Variants in NELL2 observed in about 807,000 individuals in gnomAD.
The protein encoded by NELL2 is neural EGFL like 2.
NELL2 carries 41 observed loss-of-function variants against 109.6 expected under a neutral mutation model. That is an observed-to-expected ratio of 0.37 (90% CI 0.29 to 0.49). The LOEUF (loss-of-function observed/expected upper bound fraction) is 0.49. Ranked by LOEUF, NELL2 falls within the 20% of genes least tolerant of loss-of-function variation. The probability of loss-of-function intolerance (pLI) is 0.98; values close to 1 mark genes in which losing one functional copy is unlikely to be tolerated. For missense variants in NELL2, 900 were observed against 1,008.3 expected (o/e 0.89, Z 1.45); for synonymous variants, 355 against 344.7 (o/e 1.03, Z -0.33).
intron 13 of NELL2, among the ~76,000 whole-genome samples, chr12:44,618,215 C>G (rs1945910464): frequency 6.6e-6 from 1 of 152,096 alleles, no homozygotes; most frequent in East Asian, 1.9e-4. Flanking sequence ...ATTTTTAACA[C>G]CCAGGCATTT....
At chr12:44,602,725 A>T (rs1031829227) in intron 15 of NELL2, among the ~76,000 whole-genome samples, 63 of 152,152 alleles carry the variant, frequency 4.1e-4, no homozygotes, top group African/African-American at 1.3e-3. Flanking sequence ...TTGCTTCTGA[A>T]TTTTTTTAGA....
chr12:44,604,704 G>A (rs1945334503), intron 15 of NELL2, among the ~76,000 whole-genome samples: 1 of 152,102 alleles, frequency 6.6e-6, no homozygotes. Flanking sequence ...TAGATATGCA[G>A]GGCCAAATCC....
intron 3 of NELL2, among the ~76,000 whole-genome samples, chr12:44,788,327 C>T (rs149882586): frequency 2.0e-5 from 3 of 152,292 alleles, no homozygotes; most frequent in Non-Finnish European, 4.4e-5. Context: ...GGAGACACTC[C>T]AAACACTGAG....
At chr12:44,742,862 G>A (rs1940073571) in intron 9 of NELL2, among the ~76,000 whole-genome samples, 1 of 152,188 alleles carries the variant, frequency 6.6e-6, no homozygotes, top group Non-Finnish European at 1.5e-5. Context: ...ATGGAACCAA[G>A]TTGGAAAACA....
chr12:44,920,668 A>T (rs1364454297), intron 1 of NELL2, among the ~76,000 whole-genome samples: 1 of 152,218 alleles, frequency 6.6e-6, no homozygotes, highest in Non-Finnish European at 1.5e-5. Flanking sequence ...TTAAATTTAA[A>T]TTCTTAGTGG....
chr12:44,876,473 A>G, upstream of NELL2: 1 of 1,322,912 alleles, frequency 7.6e-7, no homozygotes, highest in Non-Finnish European at 9.7e-7. Context: ...AACCCGGTCT[A>G]GGGAGCCCAG....
At chr12:44,597,390 A>G (rs1354855336) in intron 15 of NELL2, among the ~76,000 whole-genome samples, 3 of 152,202 alleles carry the variant, frequency 2.0e-5, no homozygotes, top group African/African-American at 7.2e-5. Flanking sequence ...GCCTCTTAAA[A>G]CTATTGGCCC....
chr12:44,558,905 A>T (rs1943360619), intron 15 of NELL2, among the ~76,000 whole-genome samples: 1 of 152,194 alleles, frequency 6.6e-6, no homozygotes, highest in South Asian at 2.1e-4. Context: ...CATGGAGCCC[A>T]GCAAGCTAAG....
chr12:44,568,733 A>G (rs1019791352), intron 15 of NELL2, among the ~76,000 whole-genome samples: 1 of 152,028 alleles, frequency 6.6e-6, no homozygotes, highest in Admixed American at 6.6e-5. Context: ...ATGTGTACAT[A>G]CATATTTTAT....
intron 15 of NELL2, among the ~76,000 whole-genome samples, chr12:44,600,139 T>A (rs1354178996): frequency 1.4e-5 from 2 of 140,342 alleles, no homozygotes; most frequent in Admixed American, 7.1e-5. Flanking sequence ...TTTATTTATT[T>A]ATTTATTTAT....
At chr12:44,521,851 A>T in intron 18 of NELL2, 149 bp downstream of exon 18, 1 of 698,004 alleles carries the variant, frequency 1.4e-6, no homozygotes, top group South Asian at 1.9e-5. Context: ...TCGTGTAACT[A>T]TCACCTCATC....
intron 9 of NELL2, among the ~76,000 whole-genome samples, chr12:44,770,651 T>C (rs1404309946): frequency 6.6e-6 from 1 of 152,220 alleles, no homozygotes; most frequent in Non-Finnish European, 1.5e-5. Flanking sequence ...GATTTGTATT[T>C]ATTCATATAA....
intron 10 of NELL2, among the ~76,000 whole-genome samples, chr12:44,714,404 C>T (rs778635703): frequency 6.6e-6 from 1 of 151,922 alleles, no homozygotes; most frequent in East Asian, 1.9e-4. Flanking sequence ...GGAAAACATA[C>T]GACAACTTCA....
chr12:44,604,853 C>G (rs1436927073), intron 15 of NELL2, among the ~76,000 whole-genome samples: 2 of 152,080 alleles, frequency 1.3e-5, no homozygotes, highest in African/African-American at 2.4e-5. Flanking sequence ...TAGCCAGAGA[C>G]AAACCTGAAA....
intron 12 of NELL2, among the ~76,000 whole-genome samples, chr12:44,691,971 A>G (rs1257068779): frequency 6.6e-6 from 1 of 152,216 alleles, no homozygotes; most frequent in Non-Finnish European, 1.5e-5. Flanking sequence ...AAACTGCAGT[A>G]AGTTGTTCAG....
chr12:44,854,910 A>G (rs1278972268), intron 2 of NELL2, among the ~76,000 whole-genome samples: 1 of 152,180 alleles, frequency 6.6e-6, no homozygotes, highest in African/African-American at 2.4e-5. Flanking sequence ...AGTGTTGTCC[A>G]ATAGAAGTAT....
intron 15 of NELL2, among the ~76,000 whole-genome samples, chr12:44,567,949 G>T (rs893656680): frequency 2.0e-5 from 3 of 152,014 alleles, no homozygotes; most frequent in South Asian, 2.1e-4. Context: ...GTTGAAAGGG[G>T]TATACAGGTA....
chr12:44,718,337 G>C (rs1221586235), intron 9 of NELL2, among the ~76,000 whole-genome samples: 1 of 152,174 alleles, frequency 6.6e-6, no homozygotes, highest in Non-Finnish European at 1.5e-5. Context: ...TAACTGAAAA[G>C]TATCTGCCTT....
At chr12:44,540,053 A>T (rs1157223123) in intron 15 of NELL2, among the ~76,000 whole-genome samples, 1 of 152,202 alleles carries the variant, frequency 6.6e-6, no homozygotes, top group South Asian at 2.1e-4. Context: ...AAAGACTATC[A>T]TATTAGATGG....
Sources: allele counts gnomAD v4.1 joint callset (sites outside exome capture counted in the v4.1 genomes callset), GRCh38; gene constraint gnomAD v4.1.1; transcripts MANE v1.5; gene names NCBI Gene and HGNC (gene_info 2026-07-23, HGNC 2026-07-21).